EYS: variants seen among roughly 807,000 people sequenced by gnomAD.
EYS encodes the protein EGF-like photoreceptor maintenance factor, also known as protein eyes shut homolog.
EYS carries 250 observed loss-of-function variants against 282.1 expected under a neutral mutation model. The ratio of observed to expected loss-of-function variants is 0.89; its 90% CI spans 0.80 to 0.98. The LOEUF (loss-of-function observed/expected upper bound fraction) is 0.98. Among genes scored for constraint, EYS ranks in the 50% least tolerant of loss-of-function variants. EYS has a pLI of 0.00. For missense variants in EYS, 4,016 were observed against 3,709.0 expected, an observed-to-expected ratio of 1.08 and a Z score of -2.15; for synonymous variants, 1,355 against 1,282.9, an observed-to-expected ratio of 1.06 and a Z score of -1.20.
intron 36 of EYS, among the ~76,000 whole-genome samples, chr6:63,850,031 C>A (rs958102264): frequency 6.6e-6 from 1 of 152,084 alleles, no homozygotes; most frequent in Non-Finnish European, 1.5e-5. Context: ...ATGAAGCATA[C>A]ACAAGTATCC....
chr6:64,668,962 T>C (rs1769339592), intron 22 of EYS, among the ~76,000 whole-genome samples: 1 of 152,182 alleles, frequency 6.6e-6, no homozygotes, highest in Non-Finnish European at 1.5e-5. Context: ...TTGCCAATTG[T>C]AGTTGGTTAT....
At chr6:64,185,457 A>G (rs1349232571) in intron 31 of EYS, among the ~76,000 whole-genome samples, 1 of 152,150 alleles carries the variant, frequency 6.6e-6, no homozygotes, top group Non-Finnish European at 1.5e-5. Context: ...AGAACCTCAC[A>G]TCAAATTCTT....
intron 36 of EYS, among the ~76,000 whole-genome samples, chr6:63,826,696 G>A (rs1339200899): frequency 6.6e-6 from 1 of 152,010 alleles, no homozygotes; most frequent in Non-Finnish European, 1.5e-5. Flanking sequence ...CAAATGCTGA[G>A]AGAATTCACC....
intron 22 of EYS, among the ~76,000 whole-genome samples, chr6:64,773,894 G>C (rs1019999658): frequency 1.3e-5 from 2 of 151,848 alleles, no homozygotes; most frequent in African/African-American, 2.4e-5. Context: ...TGTTTACTCT[G>C]TTGATTGTTT....
At chr6:64,738,783 A>G (rs1164036742) in intron 22 of EYS, among the ~76,000 whole-genome samples, 1 of 152,148 alleles carries the variant, frequency 6.6e-6, no homozygotes, top group African/African-American at 2.4e-5. Flanking sequence ...TTAAGATGTA[A>G]TTTTGCCCTT....
chr6:65,518,017 T>C (rs1036686731), intron 2 of EYS, among the ~76,000 whole-genome samples: 7 of 152,098 alleles, frequency 4.6e-5, no homozygotes, highest in African/African-American at 1.2e-4. Flanking sequence ...ATAGACACTC[T>C]TCCTTTAACA....
At chr6:63,776,842 A>T (rs749676494) in intron 40 of EYS, among the ~76,000 whole-genome samples, 18 of 151,888 alleles carry the variant, frequency 1.2e-4, no homozygotes, top group Non-Finnish European at 2.1e-4. Context: ...ATTATCACAT[A>T]AAAAAACCCC....
At chr6:64,620,446 G>A (rs1485124426) in intron 23 of EYS, among the ~76,000 whole-genome samples, 1 of 152,094 alleles carries the variant, frequency 6.6e-6, no homozygotes, top group African/African-American at 2.4e-5. Flanking sequence ...TCAGATTTTA[G>A]GTATGTTTCT....
At chr6:65,267,580 T>A (rs1767791966) in intron 12 of EYS, among the ~76,000 whole-genome samples, 1 of 151,948 alleles carries the variant, frequency 6.6e-6, no homozygotes, top group Admixed American at 6.6e-5. Context: ...TTTTAATACC[T>A]CTCTTATATT....
intron 36 of EYS, 82 bp downstream of exon 36, chr6:63,864,104 T>C (rs769810959): frequency 9.6e-6 from 12 of 1,253,996 alleles, no homozygotes; most frequent in Non-Finnish European, 1.3e-5. Context: ...AGTCAAGTGC[T>C]ATCCTTGATT....
At chr6:63,781,905 T>C (rs932222047) in intron 39 of EYS, among the ~76,000 whole-genome samples, 1 of 152,190 alleles carries the variant, frequency 6.6e-6, no homozygotes, top group Non-Finnish European at 1.5e-5. Context: ...ATAGCTCTTA[T>C]TATTTTGAGA....
intron 1 of EYS, among the ~76,000 whole-genome samples, chr6:65,642,089 G>A (rs985769076): frequency 5.9e-5 from 9 of 151,984 alleles, no homozygotes; most frequent in Non-Finnish European, 1.3e-4. Context: ...ATAGGGCCTC[G>A]AGGAGTTCTG....
intron 26 of EYS, among the ~76,000 whole-genome samples, chr6:64,450,167 C>G (rs935671837): frequency 1.3e-4 from 20 of 151,754 alleles, no homozygotes; most frequent in African/African-American, 4.4e-4. Flanking sequence ...AGAAGATCTA[C>G]CAAGCAAACA....
chr6:64,130,194 G>A (rs1037409085), intron 31 of EYS, among the ~76,000 whole-genome samples: 8 of 152,160 alleles, frequency 5.3e-5, no homozygotes, highest in Non-Finnish European at 7.4e-5. Context: ...TGTTTATTGC[G>A]GCACTATTCA....
At chr6:63,821,726 A>G (rs1771330326) in intron 36 of EYS, 1 of 152,284 alleles carries the variant, frequency 6.6e-6, no homozygotes, top group Non-Finnish European at 1.5e-5. Flanking sequence ...TTAAGAGACA[A>G]AGATCACTCA....
chr6:64,683,266 T>G (rs533598062), intron 22 of EYS, among the ~76,000 whole-genome samples: 1 of 152,188 alleles, frequency 6.6e-6, no homozygotes, highest in Non-Finnish European at 1.5e-5. Flanking sequence ...AATTTTGCAC[T>G]GAGCTCATAA....
chr6:65,253,230 T>C (rs1767372222), intron 12 of EYS, among the ~76,000 whole-genome samples: 1 of 152,014 alleles, frequency 6.6e-6, no homozygotes, highest in African/African-American at 2.4e-5. Flanking sequence ...GCTCTTGCTG[T>C]TGGACTCCCA....
chr6:63,798,242 C>A (rs1442446722), intron 37 of EYS, among the ~76,000 whole-genome samples: 1 of 152,156 alleles, frequency 6.6e-6, no homozygotes, highest in African/African-American at 2.4e-5. Context: ...TCACATGTGA[C>A]AATTTTTATG....
chr6:65,151,153 T>TA (rs202210398), intron 12 of EYS, among the ~76,000 whole-genome samples: 5 of 151,704 alleles, frequency 3.3e-5, no homozygotes, highest in South Asian at 2.1e-4. Context: ...AATTTGATAC[T>TA]AAAAAAAATA....
Sources: gnomAD v4.1 joint callset for allele counts (sites outside exome capture counted in the v4.1 genomes callset) on GRCh38, gnomAD v4.1.1 for gene constraint, MANE v1.5 for transcripts, NCBI Gene and HGNC (gene_info 2026-07-23, HGNC 2026-07-21) for gene names.